Variants in KLHL1 observed in about 807,000 individuals in gnomAD.
KLHL1 encodes kelch-like protein 1.
In KLHL1, 47 loss-of-function variants were observed where a neutral mutation model predicts 77.7. That is an observed-to-expected ratio of 0.60 (90% confidence interval 0.48 to 0.77). The LOEUF is 0.77. Ranked by LOEUF, KLHL1 falls within the 30% of genes least tolerant of loss-of-function variation. The pLI is 0.00. For missense variants in KLHL1, 925 were observed against 910.8 expected (o/e 1.02, Z -0.20); for synonymous variants, 360 against 325.2 (o/e 1.11, Z -1.15).
chr13:70,008,896 GATCA>G (rs1160099921), intron 1 of KLHL1, among the ~76,000 whole-genome samples: 1 of 151,996 alleles, frequency 6.6e-6, no homozygotes, highest in East Asian at 1.9e-4. Context: ...CTCAAAAATG[GATCA>G]ATATTATTAT....
In KLHL1 at chr13:69,914,135, C is replaced by T. The variant is rs142459531; in HGVS notation, c.1014+25905G>A. Among the ~76,000 whole-genome samples, 808 of 152,290 alleles carry T rather than the reference C, an allele frequency of 5.3e-3. 10 individuals carry two copies. The highest frequency in any genetic ancestry group is 0.018 in the African/African-American group (747 of 41,562). On this transcript the variant is annotated intron_variant, in intron 4 of 10. Coordinates refer to ENST00000377844, the MANE Select transcript of KLHL1 (RefSeq NM_020866.3). ...GACTGGCTCTCTGCTCCTCAGCTTG[C>T]AGACGGCCTATTGTGGGACCTCACC...
At chr13:69,886,406 C>T (rs549572032) in intron 4 of KLHL1, among the ~76,000 whole-genome samples, 8 of 151,426 alleles carry the variant, frequency 5.3e-5, no homozygotes, top group Non-Finnish European at 1.2e-4. Context: ...TAATTATTTC[C>T]TGGACTTAAT....
intron 10 of KLHL1, among the ~76,000 whole-genome samples, chr13:69,702,568 C>T (rs962637629): frequency 6.6e-6 from 1 of 151,500 alleles, no homozygotes; most frequent in African/African-American, 2.4e-5. Context: ...AAAATAGCTG[C>T]AGACAAAGTA....
chr13:70,107,764 G>T lies in KLHL1; in HGVS notation c.-65C>A. 1.6e-6 allele frequency: 2 copies of T among 1,279,432 alleles called. No homozygotes were observed. The highest frequency in any genetic ancestry group is 1.1e-6 in the Non-Finnish European group (1 of 951,342). 79.3% of individuals were successfully genotyped at this position (1,279,432 alleles called of 1,614,324 possible). ...GGAGTAGGCTGGTCAGCAGGTGGGG[G>T]AGGACAGCGGGGCCCGGGGGCGGAG... is the stretch of plus-strand genomic sequence containing the variant. On this transcript the variant is annotated 5_prime_UTR_variant, in exon 1 of 11. Coordinates refer to ENST00000377844, the MANE Select transcript of KLHL1 (RefSeq NM_020866.3).
intron 7 of KLHL1, among the ~76,000 whole-genome samples, chr13:69,769,805 C>T (rs1388939994): frequency 2.6e-5 from 4 of 152,094 alleles, no homozygotes; most frequent in Non-Finnish European, 5.9e-5. Context: ...GCCTTGCTCA[C>T]TCTCCGGTAT....
chr13:70,008,838 T>C (rs2137334871), intron 1 of KLHL1, among the ~76,000 whole-genome samples: 1 of 152,256 alleles, frequency 6.6e-6, no homozygotes, highest in East Asian at 1.9e-4. Context: ...ATCAAATTAA[T>C]TAATTTTCAT....
chr13:70,074,315 G>C (rs7987706), intron 1 of KLHL1, among the ~76,000 whole-genome samples: 78,155 of 151,828 alleles, frequency 0.51, 20,547 homozygotes, highest in East Asian at 0.72. Context: ...TCTGTCGTCT[G>C]TCTGGTCCCT....
At chr13:69,995,327 T>C (rs973689423) in intron 1 of KLHL1, among the ~76,000 whole-genome samples, 1 of 152,012 alleles carries the variant, frequency 6.6e-6, no homozygotes, top group Non-Finnish European at 1.5e-5. Context: ...AAATTGATCA[T>C]GAGGTATGAA....
chr13:69,902,997 A>G (rs1254651612), intron 4 of KLHL1, among the ~76,000 whole-genome samples: 1 of 152,152 alleles, frequency 6.6e-6, no homozygotes, highest in South Asian at 2.1e-4. Context: ...AATATTTCCA[A>G]TATAGTGTGC....
At chr13:69,906,034 A>C (rs1490476647) in intron 4 of KLHL1, among the ~76,000 whole-genome samples, 1 of 152,094 alleles carries the variant, frequency 6.6e-6, no homozygotes, top group Non-Finnish European at 1.5e-5. Flanking sequence ...CAAGGAAATA[A>C]AGTAACCGTA....
At chr13:69,706,153 A>AT (rs200920987) in intron 10 of KLHL1, among the ~76,000 whole-genome samples, 13,200 of 149,364 alleles carry the variant, frequency 0.088, 688 homozygotes, top group Non-Finnish European at 0.11. Flanking sequence ...ACTTGCTTTT[A>AT]TTTTTTTTTT....
chr13:70,103,091 TGAA>T (rs1887962882), intron 1 of KLHL1, among the ~76,000 whole-genome samples: 1 of 152,162 alleles, frequency 6.6e-6, no homozygotes, highest in African/African-American at 2.4e-5. Context: ...GTTTCGGTGA[TGAA>T]GAACTCCTTT....
At chr13:69,731,375 A>G (rs1253658377) in intron 8 of KLHL1, among the ~76,000 whole-genome samples, 1 of 152,196 alleles carries the variant, frequency 6.6e-6, no homozygotes, top group Non-Finnish European at 1.5e-5. Flanking sequence ...TAGAAGTCTC[A>G]GTATTCCTCA....
At chr13:69,927,071 T>C (rs1430979655) in intron 4 of KLHL1, among the ~76,000 whole-genome samples, 1 of 147,082 alleles carries the variant, frequency 6.8e-6, no homozygotes, top group Non-Finnish European at 1.5e-5. Context: ...TAGTAATCAA[T>C]GAAAAAGAAT....
intron 1 of KLHL1, among the ~76,000 whole-genome samples, chr13:70,077,232 G>T (rs141297470): frequency 8.6e-5 from 13 of 151,862 alleles, no homozygotes; most frequent in African/African-American, 2.9e-4. Flanking sequence ...AGGTGAAATG[G>T]GTACAAAAGC....
At chr13:69,884,892 C>T (rs1047132460) in intron 4 of KLHL1, among the ~76,000 whole-genome samples, 1 of 150,534 alleles carries the variant, frequency 6.6e-6, no homozygotes, top group Admixed American at 6.6e-5. Context: ...TTTCAGACAG[C>T]TCTGATAATA....
intron 7 of KLHL1, among the ~76,000 whole-genome samples, chr13:69,795,420 C>T (rs1486232896): frequency 6.9e-6 from 1 of 145,404 alleles, no homozygotes; most frequent in Non-Finnish European, 1.5e-5. Context: ...ACTCTGTTAT[C>T]TGTCTAACAT....
chr13:69,797,796 C>G (rs113484214), intron 6 of KLHL1, among the ~76,000 whole-genome samples: 17,372 of 147,590 alleles, frequency 0.12, 1,195 homozygotes, highest in African/African-American at 0.2. Context: ...GCCACTGCAC[C>G]CCAGCCTGGG....
intron 1 of KLHL1, among the ~76,000 whole-genome samples, chr13:70,103,984 T>A (rs1440412183): frequency 6.6e-6 from 1 of 152,142 alleles, no homozygotes; most frequent in Non-Finnish European, 1.5e-5. Context: ...ATGACTGCAC[T>A]CTGTAAGAAT....
Sources: gnomAD v4.1 joint callset for allele counts (sites outside exome capture counted in the v4.1 genomes callset) on GRCh38, gnomAD v4.1.1 for gene constraint, MANE v1.5 for transcripts, NCBI Gene and HGNC (gene_info 2026-07-23, HGNC 2026-07-21) for gene names.